PRKN: variants seen among roughly 807,000 people sequenced by gnomAD.
PRKN encodes E3 ubiquitin-protein ligase parkin.
PRKN carries 56 observed loss-of-function variants against 59.5 expected under a neutral mutation model. The ratio of observed to expected loss-of-function variants is 0.94; its 90% CI spans 0.76 to 1.18. PRKN has a LOEUF of 1.18. Among genes scored for constraint, PRKN ranks in the 50% most tolerant of loss-of-function variants. PRKN has a pLI of 0.00. For missense variants in PRKN, 657 were observed against 596.4 expected (o/e 1.10, Z -1.06); for synonymous variants, 250 against 222.1 (o/e 1.13, Z -1.12).
At chr6:162,029,651 A>G (rs1481023272) in intron 5 of PRKN, among the ~76,000 whole-genome samples, 1 of 151,874 alleles carries the variant, frequency 6.6e-6, no homozygotes, top group Non-Finnish European at 1.5e-5. Context: ...TTTATTCTCA[A>G]CCTTGACCCT....
intron 2 of PRKN, among the ~76,000 whole-genome samples, chr6:162,287,692 A>G (rs1294985831): frequency 6.6e-6 from 1 of 152,222 alleles, no homozygotes; most frequent in African/African-American, 2.4e-5. Flanking sequence ...TTACCATGGA[A>G]GACTTCTATT....
At chr6:161,895,353 C>T (rs967071297) in intron 6 of PRKN, among the ~76,000 whole-genome samples, 2 of 152,168 alleles carry the variant, frequency 1.3e-5, no homozygotes, top group Non-Finnish European at 2.9e-5. Flanking sequence ...GCTCACAGAA[C>T]TAGAGCCTGC....
At chr6:162,143,409 A>G (rs1254629573) in intron 4 of PRKN, among the ~76,000 whole-genome samples, 1 of 152,060 alleles carries the variant, frequency 6.6e-6, no homozygotes, top group Admixed American at 6.6e-5. Flanking sequence ...TGACCTTGGG[A>G]AAATAGCCAT....
rs926940563 is a variant in PRKN at position 161,547,810 on chromosome 6, C to T, written c.1083+1044G>A. 1.3e-5 allele frequency among the ~76,000 whole-genome samples: 2 copies of T among 152,138 alleles called. No individual in the cohort carries two copies. Among genetic ancestry groups the T allele is most frequent in the African/African-American group, 4.8e-5 (2 of 41,438 alleles). On this transcript the variant is annotated intron_variant, in intron 9 of 11. Coordinates refer to ENST00000366898, the MANE Select transcript of PRKN (RefSeq NM_004562.3). The surrounding 1 kb of genome is among the most constrained non-coding windows in gnomAD (Gnocchi z 4.0). ...TTGAGTTTTCATTCTAATGCAATCA[C>T]GATTATGAATCCAGAGGTATTTCTT...
At chr6:161,654,785 GAGA>G (rs1314268224) in intron 7 of PRKN, among the ~76,000 whole-genome samples, 2 of 152,188 alleles carry the variant, frequency 1.3e-5, no homozygotes, top group African/African-American at 2.4e-5. Context: ...TTCCCATGGA[GAGA>G]AGGAGGCCAG....
At chr6:162,592,515 T>C (rs1052072165) in intron 1 of PRKN, among the ~76,000 whole-genome samples, 1 of 152,190 alleles carries the variant, frequency 6.6e-6, no homozygotes, top group Non-Finnish European at 1.5e-5. Context: ...CGATCAGTAT[T>C]GGAACTGCTC....
intron 1 of PRKN, among the ~76,000 whole-genome samples, chr6:162,487,544 A>G (rs577644814): frequency 6.6e-6 from 1 of 152,300 alleles, no homozygotes; most frequent in South Asian, 2.1e-4. Flanking sequence ...GAACACACAT[A>G]AAACTGGAAA....
intron 6 of PRKN, among the ~76,000 whole-genome samples, chr6:161,945,804 A>T (rs1779755717): frequency 6.6e-6 from 1 of 152,208 alleles, no homozygotes. Context: ...CCTCTTTTGC[A>T]GTAGCAGAGA....
intron 2 of PRKN, among the ~76,000 whole-genome samples, chr6:162,286,976 T>C (rs1239065378): frequency 1.3e-5 from 2 of 152,196 alleles, no homozygotes; most frequent in African/African-American, 4.8e-5. Flanking sequence ...GATATCTACT[T>C]TAATTAACAC....
rs898798178 is a variant in PRKN at position 161,459,501 on chromosome 6, G to A, written c.1084-72624C>T. On this transcript the variant is annotated intron_variant, in intron 9 of 11. Coordinates refer to ENST00000366898, the MANE Select transcript of PRKN (RefSeq NM_004562.3). This position sits in a 1 kb window ranked among gnomAD's most constrained non-coding sequence, Gnocchi z 4.8. ...CAGGGACCTGGTTCTGAGCAAAGTA[G>A]TGGGAAGGATGGAATTCCCTGAATC... Among the ~76,000 whole-genome samples, 1 of 152,204 alleles carries A rather than the reference G, an allele frequency of 6.6e-6. No homozygotes were observed. Among genetic ancestry groups the A allele is most frequent in the South Asian group, 2.1e-4 (1 of 4,830 alleles).
chr6:162,471,058 G>A (rs1791710593), intron 1 of PRKN, among the ~76,000 whole-genome samples: 1 of 149,090 alleles, frequency 6.7e-6, no homozygotes, highest in African/African-American at 2.5e-5. Flanking sequence ...ACCACGCCCA[G>A]CCCACACTCT....
chr6:162,699,212 T>A (rs529787340), intron 1 of PRKN, among the ~76,000 whole-genome samples: 26 of 152,270 alleles, frequency 1.7e-4, no homozygotes, highest in Non-Finnish European at 2.6e-4. Flanking sequence ...GAGCAAAGTG[T>A]GGGGAAGCTA....
At chr6:161,830,976 A>G (rs1792474176) in intron 6 of PRKN, among the ~76,000 whole-genome samples, 1 of 152,156 alleles carries the variant, frequency 6.6e-6, no homozygotes, top group South Asian at 2.1e-4. Flanking sequence ...CAGGTCATCA[A>G]AAACACAGGC....
intron 3 of PRKN, among the ~76,000 whole-genome samples, chr6:162,222,181 G>A (rs951241645): frequency 2.0e-5 from 3 of 152,020 alleles, no homozygotes; most frequent in African/African-American, 7.3e-5. Flanking sequence ...TAACCCTCTC[G>A]CCTTGAGTGC....
chr6:161,583,043 G>A (rs770854136), intron 7 of PRKN, among the ~76,000 whole-genome samples: 9 of 146,554 alleles, frequency 6.1e-5, no homozygotes, highest in Non-Finnish European at 1.3e-4. Context: ...GTAAGATCTT[G>A]AAAACCATAA....
At chr6:162,155,781 G>A (rs1583117739) in intron 4 of PRKN, among the ~76,000 whole-genome samples, 2 of 141,524 alleles carry the variant, frequency 1.4e-5, no homozygotes, top group East Asian at 4.2e-4. Flanking sequence ...CTGGCTCAGT[G>A]CTCAGAAACT....
intron 2 of PRKN, among the ~76,000 whole-genome samples, chr6:162,428,262 C>T (rs1027904534): frequency 5.9e-5 from 9 of 152,078 alleles, no homozygotes; most frequent in African/African-American, 2.2e-4. Context: ...TTATAGTTCT[C>T]GATTTAGATT....
intron 4 of PRKN, among the ~76,000 whole-genome samples, chr6:162,102,439 G>T (rs1050889227): frequency 6.6e-6 from 1 of 152,040 alleles, no homozygotes; most frequent in Non-Finnish European, 1.5e-5. Context: ...ATCTAGTTAG[G>T]TTAATCTAGA....
chr6:161,492,700 C>T (rs1457115653), intron 9 of PRKN, among the ~76,000 whole-genome samples: 3 of 152,208 alleles, frequency 2.0e-5, no homozygotes, highest in Admixed American at 2.0e-4. Context: ...AAGGATTATA[C>T]ATGCTTCTTG....
Sources: gnomAD v4.1 joint callset for allele counts (sites outside exome capture counted in the v4.1 genomes callset) on GRCh38, gnomAD v4.1.1 for gene constraint, Gnocchi (gnomAD v3.1) non-coding constraint, MANE v1.5 for transcripts, NCBI Gene and HGNC (gene_info 2026-07-23, HGNC 2026-07-21) for gene names.